UGT1A5: variants seen among roughly 807,000 people sequenced by gnomAD.
UGT1A5 encodes the protein UDP glucuronosyltransferase family 1 member A5.
In UGT1A5, 29 loss-of-function variants were observed where a neutral mutation model predicts 40.3. The observed-to-expected ratio is 0.72, with a 90% CI of 0.54 to 0.98. UGT1A5 has a LOEUF of 0.98. Ranked by LOEUF, UGT1A5 falls within the 50% of genes least tolerant of loss-of-function variation. UGT1A5 has a pLI of 0.00. For synonymous variants in UGT1A5, 257 were observed against 262.5 expected (o/e 0.98, Z 0.20); for missense variants, 678 against 677.9 (o/e 1.00, Z 0.00).
intron 1 of UGT1A5, among the ~76,000 whole-genome samples, chr2:233,724,119 G>A (rs1327289956): frequency 1.4e-4 from 15 of 110,060 alleles, no homozygotes; most frequent in South Asian, 3.2e-4. Context: ...GGGCAGAGGC[G>A]CCCCTCACCT....
rs770209123 is a variant in UGT1A5, at chr2:233,713,265, C to G, written c.274C>G (p.Leu92Val). The G allele has an allele frequency of 1.2e-6, 2 of 1,614,226 alleles. No individual in the cohort carries two copies. Among genetic ancestry groups the G allele is most frequent in the Non-Finnish European group, 1.7e-6 (2 of 1,180,046 alleles). ...ATGGACCCAGGACGAATTTGATCGC[C>G]TTTTGCTGGGTCACACTCAATCGTT... ...ISWTQDEFDR[L>V]LLGHTQSFFE... Residue 92 changes from leucine (L) to valine (V), a missense_variant, in exon 1 of 5, where the codon CTT becomes GTT. By Grantham distance (32) the Leu-to-Val change is conservative. Transcript: ENST00000373414.
chr2:233,729,864 G>A (rs567615944), intron 1 of UGT1A5: 25 of 1,613,784 alleles, frequency 1.5e-5, no homozygotes, highest in African/African-American at 2.7e-5. Flanking sequence ...TGTCAGTGGT[G>A]GATATTCTCA....
chr2:233,757,549 T>C lies in UGT1A5; in HGVS notation c.868-9485T>C, dbSNP rs1446411737. Among the ~76,000 whole-genome samples, 177 of 133,748 alleles carry C rather than the reference T, an allele frequency of 1.3e-3. 1 individual carries two copies. The highest frequency in any genetic ancestry group is 1.5e-3 in the Non-Finnish European group (97 of 64,202). The allele number at this position is 133,748 out of a possible 152,430, so 87.7% of individuals were successfully genotyped here. ...TGCCTGTAAGGAATATATATATATATATATATATATATGTATATATGATAT... is the reference window on the plus strand; with the variant it reads ...TGCCTGTAAGGAATATATATATATACATATATATATATGTATATATGATAT... On this transcript the variant is annotated intron_variant, in intron 1 of 4. Transcript: ENST00000373414.
At chr2:233,714,075 C>G (rs575529005) in intron 1 of UGT1A5, among the ~76,000 whole-genome samples, 1 of 152,080 alleles carries the variant, frequency 6.6e-6, no homozygotes, top group African/African-American at 2.4e-5. Context: ...GAGGCAGGGA[C>G]GAGGATCTGT....
intron 1 of UGT1A5, among the ~76,000 whole-genome samples, chr2:233,730,578 C>A (rs757044136): frequency 1.3e-5 from 2 of 152,094 alleles, no homozygotes; most frequent in Non-Finnish European, 2.9e-5. Context: ...AGTTCAGTTT[C>A]CAGACAGGGA....
chr2:233,772,485 T>A lies in UGT1A5; in HGVS notation c.1531T>A (p.Cys511Ser). The change falls in exon 5 of 5, where the codon TGT becomes AGT. Residue 511 changes from cysteine (C) to serine (S), a missense_variant. Physicochemically the swap from Cys to Ser is moderately radical, Grantham distance 112 (BLOSUM62 -1). Transcript: ENST00000373414. The stretch of plus-strand genomic sequence containing the variant: ...AGTGGCCTTCATCACCTTTAAATGT[T>A]GTGCTTATGGCTACCGGAAATGCTT... ...LTVAFITFKC[C>S]AYGYRKCLGK... 2 of 1,614,206 alleles carry A rather than the reference T, an allele frequency of 1.2e-6. No individual in the cohort carries two copies. The highest frequency in any genetic ancestry group is 1.7e-6 in the Non-Finnish European group (2 of 1,180,040).
rs139110841 is a variant in UGT1A5, at chr2:233,729,282, T to C, written c.867+15424T>C. 648 of 1,614,246 alleles carry C rather than the reference T, an allele frequency of 4.0e-4. 1 individual carries two copies. In the Middle Eastern group the frequency reaches 4.5e-3, roughly 11 times the overall value. ...TGCGGGAGGTCTTGCGGGAGCTCCA[T>C]GCCAGAGGCCACCAGGCAGTGGTCC... On this transcript the variant is annotated intron_variant, in intron 1 of 4. Transcript: ENST00000373414.
intron 1 of UGT1A5, among the ~76,000 whole-genome samples, chr2:233,733,964 G>T (rs1371288114): frequency 2.0e-5 from 3 of 152,056 alleles, no homozygotes; most frequent in Admixed American, 1.3e-4. Flanking sequence ...TGTGGGGTAG[G>T]GGGAGCGGGG....
intron 1 of UGT1A5, chr2:233,761,093 T>G: frequency 6.2e-7 from 1 of 1,614,222 alleles, no homozygotes; most frequent in Non-Finnish European, 8.5e-7. Flanking sequence ...AGGCCCATCA[T>G]GCCCAATATG....
At chr2:233,754,376 GACAA>G in intron 1 of UGT1A5, 1 of 288,532 alleles carries the variant, frequency 3.5e-6, no homozygotes, top group Non-Finnish European at 6.7e-6. Context: ...ATGATCGAAA[GACAA>G]ACAGAGGTCC....
At chr2:233,747,483 C>G (rs993277218) in intron 1 of UGT1A5, 3 of 1,608,496 alleles carry the variant, frequency 1.9e-6, no homozygotes, top group Non-Finnish European at 1.7e-6. Flanking sequence ...TGAATTTGAT[C>G]GCCTTGTGCT....
chr2:233,718,286 A>G (rs2076644958), intron 1 of UGT1A5, among the ~76,000 whole-genome samples: 1 of 152,248 alleles, frequency 6.6e-6, no homozygotes, highest in Non-Finnish European at 1.5e-5. Context: ...AAAACCAGAT[A>G]GCCAGCCTGA....
At position 233,713,262 on chromosome 2, in the gene UGT1A5, C is replaced by G; in HGVS notation, c.271C>G (p.Arg91Gly). The change falls in exon 1 of 5, where the codon CGC becomes GGC. Residue 91 changes from arginine to glycine, a missense_variant. Coordinates refer to ENST00000373414, the MANE Select transcript of UGT1A5 (RefSeq NM_019078.2). ...TTCATGGACCCAGGACGAATTTGAT[C>G]GCCTTTTGCTGGGTCACACTCAATC... The part of the protein sequence containing the change: ...AISWTQDEFD[R>G]LLLGHTQSFF... The G allele has an allele frequency of 6.2e-7, 1 of 1,614,080 alleles. No individual in the cohort carries two copies. Among genetic ancestry groups the G allele is most frequent in the Non-Finnish European group, 8.5e-7 (1 of 1,180,040 alleles).
intron 1 of UGT1A5, among the ~76,000 whole-genome samples, chr2:233,763,630 G>T (rs1698361398): frequency 6.6e-6 from 1 of 152,108 alleles, no homozygotes; most frequent in South Asian, 2.1e-4. Flanking sequence ...CTCTTGTGTT[G>T]ATGGTCCTAT....
At chr2:233,750,863 G>A (rs1036231248) in intron 1 of UGT1A5, 1 of 151,894 alleles carries the variant, frequency 6.6e-6, no homozygotes, top group Non-Finnish European at 1.5e-5. Context: ...CCAGGCAGAA[G>A]TTTGCTGCAT....
chr2:233,730,323 CA>C lies in UGT1A5; in HGVS notation c.867+16466del, dbSNP rs2078014801. Among the ~76,000 whole-genome samples the C allele has an allele frequency of 2.0e-5, 3 of 152,152 alleles. No homozygotes were observed. The South Asian group carries it at 6.2e-4, about 32-fold the overall frequency. ...TCCTTCAGCTTGGCAGGAACAGGGA[CA>C]CTACGTTTGGAACTGATCCATCCTG... On this transcript the variant is annotated intron_variant, in intron 1 of 4. Transcript: ENST00000373414.
chr2:233,717,023 A>G (rs1412989912), intron 1 of UGT1A5, among the ~76,000 whole-genome samples: 5 of 152,160 alleles, frequency 3.3e-5, no homozygotes, highest in Admixed American at 6.5e-5. Flanking sequence ...AGGCACCACC[A>G]TCTTCCAAGA....
intron 1 of UGT1A5, among the ~76,000 whole-genome samples, chr2:233,727,538 C>T (rs1400378467): frequency 2.6e-5 from 4 of 152,150 alleles, no homozygotes; most frequent in African/African-American, 7.2e-5. Context: ...CAGGCGTGTT[C>T]CACCCGTCAC....
At chr2:233,760,492 A>G in intron 1 of UGT1A5, 1 of 1,614,288 alleles carries the variant, frequency 6.2e-7, no homozygotes. Context: ...GTTGTACATC[A>G]GAGACGGAGC....
Sources: allele counts gnomAD v4.1 joint callset (sites outside exome capture counted in the v4.1 genomes callset), GRCh38; gene constraint gnomAD v4.1.1; transcripts MANE v1.5; gene names NCBI Gene and HGNC (gene_info 2026-07-23, HGNC 2026-07-21).